Variants in EXTL3 observed in about 807,000 individuals in gnomAD.
EXTL3 encodes exostosin like glycosyltransferase 3, also known as exostosin-like 3.
Under a neutral mutation model 69.3 loss-of-function variants are expected in EXTL3, and 27 were observed. The observed-to-expected ratio is 0.39, with a 90% CI of 0.29 to 0.54. The LOEUF is 0.54. EXTL3 is among the 20% of genes least tolerant of loss of function. EXTL3 has a pLI of 0.69. For synonymous variants in EXTL3, 511 were observed against 499.4 expected (o/e 1.02, Z -0.31); for missense variants, 1,003 against 1,231.8 (o/e 0.81, Z 2.78).
At chr8:28,665,971 T>A (rs1274129915) in intron 1 of EXTL3, among the ~76,000 whole-genome samples, 3 of 152,242 alleles carry the variant, frequency 2.0e-5, no homozygotes, top group Non-Finnish European at 4.4e-5. Context: ...CATGGACTTC[T>A]TTTCAAGATC....
chr8:28,717,139 C>T lies in EXTL3; in HGVS notation c.1080C>T (p.Ala360=), dbSNP rs762785541. 5 of 1,614,224 alleles carry T rather than the reference C, an allele frequency of 3.1e-6. No individual in the cohort carries two copies. The highest frequency in any genetic ancestry group is 3.3e-5 in the Admixed American group (2 of 60,036). ...IESLRSSLQE[A]RSFEEEMEGD... ...CTCTGAGGTCTAGCCTTCAGGAGGC[C>T]CGCTCCTTCGAAGAGGAAATGGAGG... Residue 360 remains alanine, a synonymous_variant, in exon 3 of 7, where the codon GCC becomes GCT. Coordinates refer to ENST00000220562, the MANE Select transcript of EXTL3 (RefSeq NM_001440.4). The surrounding 1 kb of genome is among the most constrained non-coding windows in gnomAD (Gnocchi z 8.3).
At chr8:28,647,539 A>G (rs77443300) in intron 1 of EXTL3, among the ~76,000 whole-genome samples, 1 of 152,108 alleles carries the variant, frequency 6.6e-6, no homozygotes, top group Non-Finnish European at 1.5e-5. Context: ...GGTTATGTTA[A>G]GTTCAGGAGA....
chr8:28,666,606 C>T (rs949433306), intron 1 of EXTL3, among the ~76,000 whole-genome samples: 1 of 152,094 alleles, frequency 6.6e-6, no homozygotes, highest in African/African-American at 2.4e-5. Context: ...GACAGAGTTT[C>T]ACTCTGTCGC....
At chr8:28,749,106 TA>T (rs1434493199) in intron 6 of EXTL3, among the ~76,000 whole-genome samples, 2 of 152,090 alleles carry the variant, frequency 1.3e-5, no homozygotes, top group Non-Finnish European at 2.9e-5. Flanking sequence ...CACGCACAGG[TA>T]AAGCCTCATT....
intron 2 of EXTL3, among the ~76,000 whole-genome samples, chr8:28,616,501 C>T (rs998557009): frequency 6.6e-6 from 1 of 152,160 alleles, no homozygotes; most frequent in African/African-American, 2.4e-5. Flanking sequence ...GTGGCGGGCG[C>T]CTGCAGTCCC....
chr8:28,629,421 T>C (rs1289107225), intron 1 of EXTL3, among the ~76,000 whole-genome samples: 1 of 152,170 alleles, frequency 6.6e-6, no homozygotes, highest in Non-Finnish European at 1.5e-5. Flanking sequence ...AGTTCATTCA[T>C]TCATTCATTA....
chr8:28,746,028 TAAAG>T lies in EXTL3; in HGVS notation c.2550+2817_2550+2820del, dbSNP rs1475152009. Among the ~76,000 whole-genome samples, 7 of 152,356 alleles carry T rather than the reference TAAAG, an allele frequency of 4.6e-5. No homozygotes were observed. The East Asian group carries it at 5.8e-4, about 13-fold the overall frequency. ...ATGAATCTAATTATTTACTTCATAA[TAAAG>T]AACCAGTTTGAATTAAATATTTTAT... is the stretch of plus-strand genomic sequence containing the variant. On this transcript the variant is annotated intron_variant, in intron 6 of 6. Transcript: ENST00000220562.
rs569729163 is a variant in EXTL3, at chr8:28,705,715, G to A, written c.-570+4056G>A. ...CATGTATGTTTGAGAAGCGAAAACC[G>A]TTAGATTAGTTTATATTCTAGGCAC... On this transcript the variant is annotated intron_variant, in intron 1 of 6. Transcript: ENST00000220562. 3.5e-4 allele frequency among the ~76,000 whole-genome samples: 54 copies of A among 152,340 alleles called. 2 individuals are homozygous for A. The South Asian group carries it at 9.3e-3, about 26-fold the overall frequency.
intron 2 of EXTL3, among the ~76,000 whole-genome samples, chr8:28,713,872 A>G (rs959570370): frequency 6.8e-6 from 1 of 146,390 alleles, no homozygotes; most frequent in Non-Finnish European, 1.5e-5. Context: ...CTTTGCTGTT[A>G]GCTGATTCTA....
intron 1 of EXTL3, among the ~76,000 whole-genome samples, chr8:28,679,423 T>C (rs1311362701): frequency 6.6e-6 from 1 of 152,032 alleles, no homozygotes; most frequent in Non-Finnish European, 1.5e-5. Context: ...TCCAGCCTGG[T>C]GACAGAGCAA....
chr8:28,634,177 C>A (rs1310741993), intron 1 of EXTL3, among the ~76,000 whole-genome samples: 2 of 152,214 alleles, frequency 1.3e-5, no homozygotes, highest in Non-Finnish European at 2.9e-5. Context: ...TATTTGTTTG[C>A]TTTTCCCTTT....
chr8:28,627,996 A>C (rs906130062), intron 1 of EXTL3, among the ~76,000 whole-genome samples: 2 of 152,178 alleles, frequency 1.3e-5, no homozygotes, highest in African/African-American at 4.8e-5. Flanking sequence ...AAAAAGTTCT[A>C]GAGAAGGATG....
At chr8:28,633,293 G>A (rs1203659733) in intron 1 of EXTL3, among the ~76,000 whole-genome samples, 2 of 151,990 alleles carry the variant, frequency 1.3e-5, no homozygotes, top group African/African-American at 4.8e-5. Context: ...AGCCATGACT[G>A]CACCACTGCA....
At chr8:28,710,665 C>T (rs1585267907) in intron 1 of EXTL3, among the ~76,000 whole-genome samples, 1 of 128,046 alleles carries the variant, frequency 7.8e-6, no homozygotes. Flanking sequence ...CAGGTGTGAT[C>T]TCACCTCCCA....
In EXTL3 at chr8:28,717,439, C is replaced by A; in HGVS notation, c.1380C>A (p.Val460=). 1 of 1,614,150 alleles carries A rather than the reference C, an allele frequency of 6.2e-7. No homozygotes were observed. Among genetic ancestry groups the A allele is most frequent in the Non-Finnish European group, 8.5e-7 (1 of 1,180,030 alleles). ...TCGAAGCCCTGGAAGTCGGTGCCGTCCCGGTGGTGCTGGGGGAGCAGGTCC... is the reference window on the plus strand; with the variant it reads ...TCGAAGCCCTGGAAGTCGGTGCCGTACCGGTGGTGCTGGGGGAGCAGGTCC... ...RLFEALEVGA[V]PVVLGEQVQL... is the part of the protein sequence containing the mutation. Residue 460 remains valine, a synonymous_variant, in exon 3 of 7, where the codon GTC becomes GTA. Coordinates refer to ENST00000220562, the MANE Select transcript of EXTL3 (RefSeq NM_001440.4). This position sits in a 1 kb window ranked among gnomAD's most constrained non-coding sequence, Gnocchi z 8.3.
rs764747359 is a variant in EXTL3, at chr8:28,717,332, C to G, written c.1273C>G (p.Leu425Val). Residue 425 changes from leucine (L) to valine (V), a missense_variant, in exon 3 of 7, where the codon CTG becomes GTG. Physicochemically the swap from Leu to Val is conservative, Grantham distance 32. Around this residue, in one of 2 missense-constraint regions of EXTL3, gnomAD observed 742 missense variants for 815.4 expected, o/e 0.91. Coordinates refer to ENST00000220562, the MANE Select transcript of EXTL3 (RefSeq NM_001440.4). The surrounding 1 kb of genome is among the most constrained non-coding windows in gnomAD (Gnocchi z 8.3). ...AGAGCGGGAGGACCGCTTGGAATTG[C>G]TGAAGCTCTCCACCTTCGCCCTCAT... ...CGEREDRLEL[L>V]KLSTFALIIT... 3 of 1,614,196 alleles carry G rather than the reference C, an allele frequency of 1.9e-6. No homozygotes were observed. In the Admixed American group the frequency reaches 5.0e-5, roughly 27 times the overall value.
chr8:28,611,455 A>G lies in EXTL3; in HGVS notation n.314+3697A>G, dbSNP rs146042692. 4.8e-4 allele frequency among the ~76,000 whole-genome samples: 71 copies of G among 146,978 alleles called. No homozygotes were observed. In the East Asian group the frequency reaches 0.012, roughly 25 times the overall value. On this transcript the variant is annotated intron_variant and non_coding_transcript_variant, in intron 2 of 4. Transcript: ENST00000522725. ...GGTGACAGAGTGAGACTCTGCTTCTAAAAAAAAAACCACATTGACTGTTAT... is the reference window on the plus strand; with the variant it reads ...GGTGACAGAGTGAGACTCTGCTTCTGAAAAAAAAACCACATTGACTGTTAT...
At chr8:28,641,570 G>A (rs1489271206) in intron 1 of EXTL3, among the ~76,000 whole-genome samples, 1 of 152,028 alleles carries the variant, frequency 6.6e-6, no homozygotes, top group Non-Finnish European at 1.5e-5. Flanking sequence ...TCCGCCTCCC[G>A]AGCTAAAGCG....
In EXTL3 at chr8:28,613,720, C is replaced by T. The variant is rs1013278607; in HGVS notation, n.314+5962C>T. Among the ~76,000 whole-genome samples, 4 of 152,114 alleles carry T rather than the reference C, an allele frequency of 2.6e-5. 1 individual carries two copies. In the South Asian group the frequency reaches 8.3e-4, roughly 32 times the overall value. On this transcript the variant is annotated intron_variant and non_coding_transcript_variant, in intron 2 of 4. Transcript: ENST00000522725. ...CCTTATGTGAGTTCAAGGAATTGGTCCATTTTATCTAAGTTATCAAATTTC... is the reference window on the plus strand; with the variant it reads ...CCTTATGTGAGTTCAAGGAATTGGTTCATTTTATCTAAGTTATCAAATTTC...
Sources: allele counts gnomAD v4.1 joint callset (sites outside exome capture counted in the v4.1 genomes callset), GRCh38; gene constraint gnomAD v4.1.1; regional missense constraint gnomAD v4.1.1; non-coding constraint Gnocchi (gnomAD v3.1); transcripts MANE v1.5; gene names NCBI Gene and HGNC (gene_info 2026-07-23, HGNC 2026-07-21).